The following ABCC3 variants were observed in gnomAD, a reference collection of about 807,000 sequenced individuals.
ABCC3 encodes ATP binding cassette subfamily C member 3, also known as ATP-binding cassette sub-family C member 3.
ABCC3 carries 121 observed loss-of-function variants against 165.3 expected under a neutral mutation model. The observed-to-expected ratio is 0.73, with a 90% CI of 0.63 to 0.85. The LOEUF is 0.85. ABCC3 is among the 40% of genes least tolerant of loss of function. The probability of loss-of-function intolerance (pLI) is 0.00; values close to 1 mark genes in which losing one functional copy is unlikely to be tolerated. For missense variants in ABCC3, 1,869 were observed against 1,964.1 expected (o/e 0.95, Z 0.92); for synonymous variants, 733 against 810.1 (o/e 0.90, Z 1.62).
intron 1 of ABCC3, among the ~76,000 whole-genome samples, chr17:50,639,568 C>T (rs1400342925): frequency 6.6e-6 from 1 of 152,150 alleles, no homozygotes; most frequent in African/African-American, 2.4e-5. Context: ...ATTCAGTCCT[C>T]TCCATTGGGG....
intron 29 of ABCC3, among the ~76,000 whole-genome samples, chr17:50,686,150 C>T: frequency 7.2e-6 from 1 of 138,868 alleles, no homozygotes; most frequent in Admixed American, 6.9e-5. Flanking sequence ...GCCAAGATCT[C>T]ACCACTGCAC....
chr17:50,665,889 G>A (rs1472589763), intron 11 of ABCC3, among the ~76,000 whole-genome samples: 1 of 151,876 alleles, frequency 6.6e-6, no homozygotes, highest in South Asian at 2.1e-4. Flanking sequence ...TGGGATTACA[G>A]GTGTGAGCCA....
chr17:50,673,984 C>CCT, intron 19 of ABCC3, among the ~76,000 whole-genome samples: 1 of 11,548 alleles, frequency 8.7e-5, no homozygotes, highest in African/African-American at 5.6e-4. Flanking sequence ...TTCTTTCTCT[C>CCT]TCTCTCTCTC....
intron 8 of ABCC3, among the ~76,000 whole-genome samples, chr17:50,662,700 C>T: frequency 6.6e-6 from 1 of 150,898 alleles, no homozygotes; most frequent in Admixed American, 6.6e-5. Flanking sequence ...GCCACTGGGG[C>T]CCACCCTACT....
At chr17:50,649,305 A>T (rs1967064943) in intron 1 of ABCC3, among the ~76,000 whole-genome samples, 1 of 152,130 alleles carries the variant, frequency 6.6e-6, no homozygotes, top group Admixed American at 6.6e-5. Flanking sequence ...GGACAGAGAA[A>T]GGAATTGATG....
At chr17:50,637,782 C>T (rs527431472) in intron 1 of ABCC3, among the ~76,000 whole-genome samples, 16 of 152,266 alleles carry the variant, frequency 1.1e-4, no homozygotes, top group Middle Eastern at 3.4e-3. Context: ...TGACATTCCC[C>T]GGAAGAGGGA....
intron 17 of ABCC3, 34 bp downstream of exon 17, chr17:50,669,562 G>A (rs4794176): frequency 1.2e-6 from 2 of 1,609,102 alleles, no homozygotes; most frequent in Non-Finnish European, 8.5e-7. Context: ...AAGAGGCTAG[G>A]GCATAGAGCT....
At position 50,658,428 on chromosome 17, in the gene ABCC3, C is replaced by T. The variant is rs759056327; in HGVS notation, c.613-7C>T. 6.2e-7 allele frequency: 1 copy of T among 1,613,790 alleles called. No homozygotes were observed. Among genetic ancestry groups the T allele is most frequent in the Non-Finnish European group, 8.5e-7 (1 of 1,179,648 alleles). ...TGATTCCCCCGTCCTATTCTCTCGCCTTCTAGAACCCCTACCCTGAGACCA... is the reference window on the plus strand; with the variant it reads ...TGATTCCCCCGTCCTATTCTCTCGCTTTCTAGAACCCCTACCCTGAGACCA... On this transcript the variant is annotated splice_region_variant and splice_polypyrimidine_tract_variant and intron_variant, in intron 5 of 30. Coordinates refer to ENST00000285238, the MANE Select transcript of ABCC3 (RefSeq NM_003786.4).
chr17:50,671,213 T>G (rs1041853987), intron 17 of ABCC3, among the ~76,000 whole-genome samples: 2 of 151,540 alleles, frequency 1.3e-5, no homozygotes, highest in African/African-American at 4.9e-5. Flanking sequence ...CTGAGATTGA[T>G]TGTATCACTG....
chr17:50,672,382 T>C (rs8079556), intron 17 of ABCC3, among the ~76,000 whole-genome samples: 15,057 of 152,328 alleles, frequency 0.099, 831 homozygotes, highest in Middle Eastern at 0.15. Flanking sequence ...TATTTCATTA[T>C]AGGTATATAC....
At chr17:50,656,032 C>T in intron 2 of ABCC3, 24 bp downstream of exon 2, 1 of 1,605,522 alleles carries the variant, frequency 6.2e-7, no homozygotes, top group Non-Finnish European at 8.5e-7. Context: ...GGATCTCCTA[C>T]CGATGGGGCT....
chr17:50,668,681 G>A (rs570976154), intron 14 of ABCC3, among the ~76,000 whole-genome samples, 164 bp downstream of exon 14: 15 of 151,740 alleles, frequency 9.9e-5, no homozygotes, highest in African/African-American at 1.7e-4. Flanking sequence ...GCTCTCCTCC[G>A]CCCTCCTCCA....
chr17:50,665,984 T>C (rs887424225), intron 11 of ABCC3, among the ~76,000 whole-genome samples: 1 of 152,202 alleles, frequency 6.6e-6, no homozygotes, highest in South Asian at 2.1e-4. Flanking sequence ...AGCAGGCTTC[T>C]GCTTACCTTG....
At chr17:50,658,613 A>G (rs1287392649) in intron 6 of ABCC3, 117 bp downstream of exon 6, 2 of 1,129,254 alleles carry the variant, frequency 1.8e-6, no homozygotes, top group Non-Finnish European at 2.7e-6. Flanking sequence ...CCCACCCCCC[A>G]CCGCAGTGGG....
chr17:50,658,297 A>C, intron 5 of ABCC3, 90 bp downstream of exon 5: 1 of 1,600,682 alleles, frequency 6.2e-7, no homozygotes, highest in Non-Finnish European at 8.6e-7. Flanking sequence ...AGTTCCTTTC[A>C]AAGTGGGAGA....
chr17:50,688,725 A>AAAAACAAAAC (rs1194906280), intron 30 of ABCC3, among the ~76,000 whole-genome samples: 15 of 151,896 alleles, frequency 9.9e-5, no homozygotes, highest in African/African-American at 3.6e-4. Flanking sequence ...TGTCTCTACT[A>AAAAACAAAAC]AAAACAAAAC....
Position 50,676,488 on chromosome 17 carries a change from C to A in ABCC3, c.3278C>A (p.Ser1093Tyr). The stretch of plus-strand genomic sequence containing the variant: ...CCTGTCATCCTCATGCTGCTCAATT[C>A]CTTCTTCAACGCCATCTCCACTCTT... Reference protein sequence around the residue: ...LAPVILMLLNSFFNAISTLVV... With the variant: ...LAPVILMLLNYFFNAISTLVV... Residue 1093 changes from serine (S) to tyrosine (Y), a missense_variant, in exon 23 of 31, where the codon TCC becomes TAC. By Grantham distance (144) the Ser-to-Tyr change is moderately radical. Coordinates refer to ENST00000285238, the MANE Select transcript of ABCC3 (RefSeq NM_003786.4). The A allele has an allele frequency of 6.2e-7, 1 of 1,614,014 alleles. No homozygotes were observed. Among genetic ancestry groups the A allele is most frequent in the South Asian group, 1.1e-5 (1 of 91,068 alleles).
intron 28 of ABCC3, 98 bp downstream of exon 28, chr17:50,684,205 T>G (rs1967980752): frequency 6.8e-7 from 1 of 1,471,454 alleles, no homozygotes; most frequent in Non-Finnish European, 9.1e-7. Flanking sequence ...GACCCCAGTC[T>G]CAGAGGCTTG....
intron 28 of ABCC3, 87 bp downstream of exon 28, chr17:50,684,194 G>T: frequency 6.6e-7 from 1 of 1,510,710 alleles, no homozygotes; most frequent in East Asian, 2.4e-5. Context: ...ATGGAGACTG[G>T]GACCCCAGTC....
Sources: gnomAD v4.1 joint callset for allele counts (sites outside exome capture counted in the v4.1 genomes callset) on GRCh38, gnomAD v4.1.1 for gene constraint, MANE v1.5 for transcripts, NCBI Gene and HGNC (gene_info 2026-07-23, HGNC 2026-07-21) for gene names.